The following ABL1 variants were observed in gnomAD, a reference collection of about 807,000 sequenced individuals.
ABL1 encodes the protein ABL proto-oncogene 1, non-receptor tyrosine kinase, also known as tyrosine-protein kinase ABL1.
Under a neutral mutation model 94.7 loss-of-function variants are expected in ABL1, and 11 were observed. The observed-to-expected ratio is 0.12, with a 90% CI of 0.07 to 0.19. The LOEUF (loss-of-function observed/expected upper bound fraction) is 0.19. Ranked by LOEUF, ABL1 falls within the 10% of genes least tolerant of loss-of-function variation. ABL1 has a pLI of 1.00. For missense variants in ABL1, 1,082 were observed against 1,489.4 expected, an observed-to-expected ratio of 0.73 and a Z score of 4.50; for synonymous variants, 656 against 622.4, an observed-to-expected ratio of 1.05 and a Z score of -0.80.
chr9:130,863,119 A>AC lies in ABL1; in HGVS notation c.822+86dup. The AC allele has an allele frequency of 7.0e-7, 1 of 1,430,974 alleles. No homozygotes were observed. The highest frequency in any genetic ancestry group is 1.4e-5 in the South Asian group (1 of 69,008). 88.6% of individuals were successfully genotyped at this position (1,430,974 alleles called of 1,614,324 possible). ...AGGCGATGCATCTGCCTGGAAGTCT[A>AC]CCTCCTGCCTGCTGTCCGAGGGCTT... On this transcript the variant is annotated intron_variant, in intron 4 of 10. Transcript: ENST00000318560. The surrounding 1 kb of genome is among the most constrained non-coding windows in gnomAD (Gnocchi z 4.3).
chr9:130,850,257 T>C (rs1427003539), intron 1 of ABL1, among the ~76,000 whole-genome samples: 1 of 152,238 alleles, frequency 6.6e-6, no homozygotes, highest in Non-Finnish European at 1.5e-5. Context: ...TTAAGATGAA[T>C]GCTTTAGAAA....
chr9:130,834,575 T>G (rs950804948), upstream of ABL1, among the ~76,000 whole-genome samples: 4 of 152,204 alleles, frequency 2.6e-5, no homozygotes, highest in Admixed American at 2.6e-4. Context: ...GGAAAAGTTC[T>G]CTGTTAAAGA....
At chr9:130,767,871 T>G (rs1409081090) in intron 1 of ABL1, among the ~76,000 whole-genome samples, 1 of 152,206 alleles carries the variant, frequency 6.6e-6, no homozygotes, top group African/African-American at 2.4e-5. Flanking sequence ...GAAAGTGACA[T>G]GTTAAATTCA....
At chr9:130,760,383 A>G (rs888851176) in intron 1 of ABL1, among the ~76,000 whole-genome samples, 8 of 152,124 alleles carry the variant, frequency 5.3e-5, no homozygotes, top group African/African-American at 1.9e-4. Context: ...CCTGATCATT[A>G]CTGATTGAAA....
At chr9:130,713,288 G>A (rs2132659890) in exon 1 of ABL1, among the ~76,000 whole-genome samples, 1 of 152,252 alleles carries the variant, frequency 6.6e-6, no homozygotes, top group East Asian at 1.9e-4. Context: ...CAGCTGAGGC[G>A]GCCGGGCCTC....
intron 10 of ABL1, among the ~76,000 whole-genome samples, chr9:130,882,727 G>A (rs1444398436): frequency 2.0e-5 from 3 of 151,934 alleles, no homozygotes; most frequent in Admixed American, 6.5e-5. Flanking sequence ...GTAGAGACGG[G>A]GTTTCATCAT....
At chr9:130,804,072 A>T (rs1214296044) in intron 1 of ABL1, among the ~76,000 whole-genome samples, 2 of 151,942 alleles carry the variant, frequency 1.3e-5, no homozygotes, top group Non-Finnish European at 2.9e-5. Flanking sequence ...AAAAAAAAAA[A>T]ATGACCGGAC....
At chr9:130,802,106 T>TTTG (rs1830063405) in intron 1 of ABL1, among the ~76,000 whole-genome samples, 1 of 151,010 alleles carries the variant, frequency 6.6e-6, no homozygotes, top group Non-Finnish European at 1.5e-5. Context: ...TTTTTTTTTT[T>TTTG]TTTTGAAATG....
chr9:130,878,587 T>C lies in ABL1; in HGVS notation c.1423+20T>C, dbSNP rs1401126611. 1.2e-6 allele frequency: 2 copies of C among 1,612,420 alleles called. No individual in the cohort carries two copies. On this transcript the variant is annotated intron_variant, in intron 8 of 10. Coordinates refer to ENST00000318560, the MANE Select transcript of ABL1 (RefSeq NM_005157.6). ...GAGCATGTAAGCCTTCCTCAGCCTG[T>C]TCTCACGAGTATATGTGGGCATTCC...
chr9:130,850,705 C>T (rs1054537953), intron 1 of ABL1, among the ~76,000 whole-genome samples: 5 of 151,980 alleles, frequency 3.3e-5, no homozygotes, highest in Admixed American at 2.0e-4. Flanking sequence ...CGGGGTTTCG[C>T]TATGTTGGCC....
In ABL1 at chr9:130,880,455, C is replaced by T. The variant is rs747513956; in HGVS notation, c.1514-45C>T. On this transcript the variant is annotated intron_variant, in intron 9 of 10. Coordinates refer to ENST00000318560, the MANE Select transcript of ABL1 (RefSeq NM_005157.6). This position sits in a 1 kb window ranked among gnomAD's most constrained non-coding sequence, Gnocchi z 4.4. ...CCACCACACCAAGCCAACACCAGTA[C>T]TGATGGCTGCTGGATTTTTGTTTCT... is the stretch of plus-strand genomic sequence containing the variant. The T allele has an allele frequency of 1.2e-5, 19 of 1,607,210 alleles. No individual in the cohort carries two copies. The highest frequency in any genetic ancestry group is 1.5e-5 in the Non-Finnish European group (18 of 1,174,790).
intron 1 of ABL1, among the ~76,000 whole-genome samples, chr9:130,802,733 C>T (rs1211017352): frequency 6.6e-6 from 1 of 152,080 alleles, no homozygotes; most frequent in Non-Finnish European, 1.5e-5. Flanking sequence ...CTAATTTGTC[C>T]CACTGTCTTG....
chr9:130,855,729 A>C (rs967388519), intron 3 of ABL1, among the ~76,000 whole-genome samples: 1 of 152,202 alleles, frequency 6.6e-6, no homozygotes, highest in Non-Finnish European at 1.5e-5. Context: ...GGAGGAGTTA[A>C]CATTGACTGA....
chr9:130,876,689 G>A (rs1831349158), intron 7 of ABL1, among the ~76,000 whole-genome samples: 1 of 149,500 alleles, frequency 6.7e-6, no homozygotes, highest in South Asian at 2.1e-4. Flanking sequence ...CCAAAGTGCT[G>A]GGATTACAGG....
At chr9:130,821,151 C>G (rs575672451) in intron 1 of ABL1, among the ~76,000 whole-genome samples, 5 of 152,116 alleles carry the variant, frequency 3.3e-5, no homozygotes, top group African/African-American at 1.2e-4. Flanking sequence ...AGGATGGTCT[C>G]GATCTCCTGA....
intron 1 of ABL1, among the ~76,000 whole-genome samples, chr9:130,759,456 T>C (rs1376999347): frequency 6.6e-6 from 1 of 152,228 alleles, no homozygotes; most frequent in East Asian, 1.9e-4. Context: ...CATTTTGACC[T>C]TGAATAAGAA....
intron 1 of ABL1, among the ~76,000 whole-genome samples, chr9:130,820,775 G>T (rs1260249850): frequency 6.6e-6 from 1 of 152,072 alleles, no homozygotes; most frequent in African/African-American, 2.4e-5. Flanking sequence ...TTAGAAAAAG[G>T]TGTTAAAATC....
chr9:130,762,075 G>A (rs11244133), intron 1 of ABL1, among the ~76,000 whole-genome samples: 28,706 of 148,960 alleles, frequency 0.19, 3,447 homozygotes, highest in Middle Eastern at 0.39. Context: ...CCTGGGAGGC[G>A]AAGTTTGTGG....
chr9:130,877,808 ATTTT>A (rs34577725), intron 7 of ABL1, among the ~76,000 whole-genome samples: 4 of 129,360 alleles, frequency 3.1e-5, no homozygotes, highest in Admixed American at 7.5e-5. Context: ...ACCTGGCTAA[ATTTT>A]TTTTTTTTTT....
Sources: gnomAD v4.1 joint callset for allele counts (sites outside exome capture counted in the v4.1 genomes callset) on GRCh38, gnomAD v4.1.1 for gene constraint, Gnocchi (gnomAD v3.1) non-coding constraint, MANE v1.5 for transcripts, NCBI Gene and HGNC (gene_info 2026-07-23, HGNC 2026-07-21) for gene names.